Variants in SUGCT observed in about 807,000 individuals in gnomAD.
SUGCT encodes the protein succinyl-CoA:glutarate CoA-transferase.
Under a neutral mutation model 55.0 loss-of-function variants are expected in SUGCT, and 41 were observed. The ratio of observed to expected loss-of-function variants is 0.74; its 90% CI spans 0.58 to 0.97. The LOEUF (loss-of-function observed/expected upper bound fraction) is 0.97. SUGCT is among the 50% of genes least tolerant of loss of function. The pLI is 0.00. For missense variants in SUGCT, 568 were observed against 547.8 expected (o/e 1.04, Z -0.37); for synonymous variants, 187 against 200.4 (o/e 0.93, Z 0.56).
intron 13 of SUGCT, among the ~76,000 whole-genome samples, chr7:40,830,199 C>T (rs1403269819): frequency 2.0e-5 from 3 of 152,176 alleles, no homozygotes; most frequent in Non-Finnish European, 4.4e-5. Flanking sequence ...CCAGTGCTTG[C>T]CTGCCTTCAC....
chr7:40,195,409 G>A (rs1454447322), intron 6 of SUGCT, among the ~76,000 whole-genome samples: 1 of 151,690 alleles, frequency 6.6e-6, no homozygotes, highest in Admixed American at 6.6e-5. Context: ...TTTTAGTAGA[G>A]ACGGGGTTTC....
intron 1 of SUGCT, among the ~76,000 whole-genome samples, chr7:40,150,552 A>C (rs1584188001): frequency 6.6e-6 from 1 of 152,208 alleles, no homozygotes; most frequent in South Asian, 2.1e-4. Flanking sequence ...GGCACCTGTA[A>C]TCCCAGCTAC....
At chr7:40,221,465 A>AT (rs977337134) in intron 6 of SUGCT, among the ~76,000 whole-genome samples, 31 of 146,966 alleles carry the variant, frequency 2.1e-4, no homozygotes, top group South Asian at 2.2e-4. Context: ...TACATTATCT[A>AT]TTTTTTAATT....
At chr7:40,949,218 G>T in the SUGCT span, among the ~76,000 whole-genome samples, 7 of 152,138 alleles carry the variant, frequency 4.6e-5, no homozygotes, top group South Asian at 2.1e-4. Context: ...ATGATGAGCA[G>T]TTTTTCATGT....
chr7:40,184,185 C>T (rs978314077), intron 3 of SUGCT, among the ~76,000 whole-genome samples: 4 of 152,120 alleles, frequency 2.6e-5, no homozygotes, highest in Admixed American at 2.0e-4. Flanking sequence ...CAAAAAGGAA[C>T]GTGTCATTGT....
At chr7:40,173,539 A>G (rs563458926) in intron 1 of SUGCT, among the ~76,000 whole-genome samples, 27 of 152,334 alleles carry the variant, frequency 1.8e-4, no homozygotes, top group African/African-American at 6.3e-4. Flanking sequence ...TGGGGTTTAT[A>G]TCCCATTGTC....
At chr7:40,182,393 C>T (rs1046395556) in intron 3 of SUGCT, among the ~76,000 whole-genome samples, 2 of 151,890 alleles carry the variant, frequency 1.3e-5, no homozygotes, top group Non-Finnish European at 2.9e-5. Context: ...ATGGTGAAAC[C>T]TCTTCTCTAC....
intron 9 of SUGCT, among the ~76,000 whole-genome samples, chr7:40,383,036 C>A (rs1784947329): frequency 6.6e-6 from 1 of 151,980 alleles, no homozygotes; most frequent in Non-Finnish European, 1.5e-5. Flanking sequence ...GTATGACACC[C>A]CCTGCAAAGT....
intron 13 of SUGCT, among the ~76,000 whole-genome samples, chr7:40,826,075 A>AT (rs1792298317): frequency 6.6e-6 from 1 of 152,240 alleles, no homozygotes; most frequent in South Asian, 2.1e-4. Flanking sequence ...CAAGTACTGC[A>AT]TTTTTAAATC....
chr7:40,938,368 C>A, the SUGCT span, among the ~76,000 whole-genome samples: 1 of 150,078 alleles, frequency 6.7e-6, no homozygotes, highest in Non-Finnish European at 1.5e-5. Flanking sequence ...TTTTAATTCC[C>A]TTATTTGTTT....
the SUGCT span, among the ~76,000 whole-genome samples, chr7:41,026,021 C>T: frequency 6.6e-6 from 1 of 152,186 alleles, no homozygotes; most frequent in African/African-American, 2.4e-5. Context: ...ACATTCACAT[C>T]GGGATTTCTC....
intron 1 of SUGCT, among the ~76,000 whole-genome samples, chr7:40,178,704 A>C (rs890241782): frequency 4.6e-5 from 7 of 152,086 alleles, no homozygotes; most frequent in Non-Finnish European, 1.5e-5. Flanking sequence ...TTTCACAATG[A>C]TGTCTTGGTG....
intron 1 of SUGCT, chr7:40,153,024 GAACA>G (rs142630442): frequency 5.2e-5 from 10 of 194,064 alleles, no homozygotes; most frequent in South Asian, 1.7e-4. Flanking sequence ...TGATTTTAAG[GAACA>G]AACAAACAAA....
intron 7 of SUGCT, among the ~76,000 whole-genome samples, chr7:40,242,956 T>A (rs1163842571): frequency 1.1e-4 from 11 of 102,032 alleles, no homozygotes; most frequent in African/African-American, 4.1e-4. Context: ...TTTTTTTTTT[T>A]TTTTTTGAGA....
intron 13 of SUGCT, among the ~76,000 whole-genome samples, chr7:40,768,068 C>T (rs879207025): frequency 6.6e-6 from 1 of 152,104 alleles, no homozygotes; most frequent in Admixed American, 6.5e-5. Flanking sequence ...CAAGAATGCC[C>T]CATACTCCCT....
At chr7:40,486,410 A>G (rs1480280181) in intron 11 of SUGCT, among the ~76,000 whole-genome samples, 1 of 152,078 alleles carries the variant, frequency 6.6e-6, no homozygotes, top group African/African-American at 2.4e-5. Flanking sequence ...TATCTTTTCA[A>G]AAGCCAATTC....
chr7:40,925,971 G>A, the SUGCT span, among the ~76,000 whole-genome samples: 10 of 152,098 alleles, frequency 6.6e-5, no homozygotes, highest in Non-Finnish European at 1.5e-4. Flanking sequence ...GCACATGCCT[G>A]TAATCCTAGC....
chr7:40,540,365 G>C (rs944760176), intron 12 of SUGCT, among the ~76,000 whole-genome samples: 1 of 152,234 alleles, frequency 6.6e-6, no homozygotes, highest in Non-Finnish European at 1.5e-5. Context: ...AATAGTAACA[G>C]CTGGTATATT....
intron 12 of SUGCT, among the ~76,000 whole-genome samples, chr7:40,526,519 A>C (rs1258169580): frequency 6.6e-6 from 1 of 152,134 alleles, no homozygotes; most frequent in East Asian, 1.9e-4. Flanking sequence ...TTTCTTATTC[A>C]GTTGGTCTTG....
Sources: gnomAD v4.1 joint callset for allele counts (sites outside exome capture counted in the v4.1 genomes callset) on GRCh38, gnomAD v4.1.1 for gene constraint, MANE v1.5 for transcripts, NCBI Gene and HGNC (gene_info 2026-07-23, HGNC 2026-07-21) for gene names.